OPCML: variants seen among roughly 807,000 people sequenced by gnomAD.
OPCML encodes opioid-binding protein/cell adhesion molecule.
Under a neutral mutation model 37.8 loss-of-function variants are expected in OPCML, and 13 were observed. The ratio of observed to expected loss-of-function variants is 0.34; its 90% CI spans 0.22 to 0.55. The LOEUF (loss-of-function observed/expected upper bound fraction) is 0.55, where lower values mean the gene tolerates loss of function less well. OPCML is among the 20% of genes least tolerant of loss of function. OPCML has a pLI of 0.91. For missense variants in OPCML, 341 were observed against 435.6 expected (o/e 0.78, Z 1.93); for synonymous variants, 176 against 168.8 (o/e 1.04, Z -0.33).
At chr11:132,591,190 G>A (rs1452066977) in intron 3 of OPCML, among the ~76,000 whole-genome samples, 3 of 152,162 alleles carry the variant, frequency 2.0e-5, no homozygotes, top group Non-Finnish European at 4.4e-5. Flanking sequence ...GCCCCCCTTT[G>A]GAGTTGCTGT....
Position 133,308,894 on chromosome 11 carries a change from T to C in OPCML, c.61+223370A>G, listed in dbSNP as rs1027082106. On this transcript the variant is annotated intron_variant, in intron 1 of 7. Transcript: ENST00000524381. Reference sequence around the variant, plus strand: ...TCAAAGAGTTCACAATAACTAAAATTGGAGCAACTTGAAAAGTGAAAAAAT... The same window carrying C: ...TCAAAGAGTTCACAATAACTAAAATCGGAGCAACTTGAAAAGTGAAAAAAT... 2.3e-4 allele frequency among the ~76,000 whole-genome samples: 35 copies of C among 152,234 alleles called. 1 individual carries two copies. Among genetic ancestry groups the C allele is most frequent in the Admixed American group, 1.2e-3 (18 of 15,290 alleles).
chr11:133,444,029 T>A (rs1410084317), intron 1 of OPCML, among the ~76,000 whole-genome samples: 2 of 152,094 alleles, frequency 1.3e-5, no homozygotes, highest in East Asian at 3.9e-4. Flanking sequence ...ACTCGGAAGA[T>A]CAGAAGGATT....
chr11:133,105,265 A>C (rs2137079489), intron 1 of OPCML, among the ~76,000 whole-genome samples: 1 of 152,334 alleles, frequency 6.6e-6, no homozygotes, highest in South Asian at 2.1e-4. Context: ...TAAAGCTCAA[A>C]GTTCAAGGCA....
In OPCML at chr11:133,306,641, T is replaced by C. The variant is rs567897663; in HGVS notation, c.61+225623A>G. On this transcript the variant is annotated intron_variant, in intron 1 of 7. Transcript: ENST00000524381. ...GTTATATAACTGTACCAAAATCTGA[T>C]AAAATGTGAAAACAGCTCTCAAGGG... Among the ~76,000 whole-genome samples the C allele has an allele frequency of 6.6e-5, 10 of 152,268 alleles. No individual in the cohort carries two copies. In the South Asian group the frequency reaches 1.5e-3, roughly 22 times the overall value.
intron 4 of OPCML, among the ~76,000 whole-genome samples, chr11:132,492,908 A>T (rs892708306): frequency 2.0e-5 from 3 of 152,176 alleles, no homozygotes; most frequent in Non-Finnish European, 4.4e-5. Flanking sequence ...CCTGACAGGT[A>T]CATTATAAAT....
Position 132,424,335 on chromosome 11 carries a change from G to T in OPCML, c.917-4042C>A, listed in dbSNP as rs189521580. 2.1e-3 allele frequency among the ~76,000 whole-genome samples: 326 copies of T among 152,278 alleles called. 1 individual carries two copies. Among genetic ancestry groups the T allele is most frequent in the African/African-American group, 7.7e-3 (318 of 41,556 alleles). ...GGGGTTTCACCACGTTAGCCAGGAT[G>T]TTCTCGAACTCCTGACCTCGTGATC... is the stretch of plus-strand genomic sequence containing the variant. On this transcript the variant is annotated intron_variant, in intron 7 of 7. Coordinates refer to ENST00000524381, the MANE Select transcript of OPCML (RefSeq NM_001012393.5).
At chr11:133,469,152 A>G (rs1947044405) in intron 1 of OPCML, among the ~76,000 whole-genome samples, 1 of 152,212 alleles carries the variant, frequency 6.6e-6, no homozygotes, top group Non-Finnish European at 1.5e-5. Flanking sequence ...TTGTATCTTT[A>G]TACTCCCTTT....
intron 3 of OPCML, among the ~76,000 whole-genome samples, chr11:132,541,058 G>A (rs887829558): frequency 2.6e-5 from 4 of 152,130 alleles, no homozygotes; most frequent in African/African-American, 7.2e-5. Flanking sequence ...CAAAATAGAC[G>A]TTAGGGATGC....
rs1406653568 is a variant in OPCML at position 133,141,024 on chromosome 11, C to T, written c.62-198014G>A. 2.3e-4 allele frequency among the ~76,000 whole-genome samples: 2 copies of T among 8,698 alleles called. 1 individual carries two copies. Among genetic ancestry groups the T allele is most frequent in the African/African-American group, 4.7e-4 (2 of 4,250 alleles). 5.7% of individuals were successfully genotyped at this position (8,698 alleles called of 152,430 possible). ...ACGACGACGACGACGACGACGACGA[C>T]GACGACGACGACGACGACGACGACG... On this transcript the variant is annotated intron_variant, in intron 1 of 7. Coordinates refer to ENST00000524381, the MANE Select transcript of OPCML (RefSeq NM_001012393.5).
chr11:133,195,146 C>G (rs1404836079), intron 1 of OPCML, among the ~76,000 whole-genome samples: 1 of 152,112 alleles, frequency 6.6e-6, no homozygotes, highest in Non-Finnish European at 1.5e-5. Context: ...TTATTGAATT[C>G]CATTGCTACA....
chr11:132,544,909 G>A (rs1208992906), intron 3 of OPCML, among the ~76,000 whole-genome samples: 1 of 152,150 alleles, frequency 6.6e-6, no homozygotes, highest in Non-Finnish European at 1.5e-5. Flanking sequence ...GCATGGCCTT[G>A]AGAAGGAAAG....
intron 3 of OPCML, among the ~76,000 whole-genome samples, chr11:132,653,077 T>G (rs1941512929): frequency 6.6e-6 from 1 of 152,214 alleles, no homozygotes. Flanking sequence ...TGGTGTTAGG[T>G]TACACCTGTT....
intron 1 of OPCML, among the ~76,000 whole-genome samples, chr11:133,147,560 T>C (rs1949915137): frequency 6.6e-6 from 1 of 152,112 alleles, no homozygotes; most frequent in African/African-American, 2.4e-5. Context: ...AAAATGGGGA[T>C]AAGAATGCTT....
At chr11:132,837,087 G>A (rs1037902706) in intron 2 of OPCML, among the ~76,000 whole-genome samples, 1 of 152,106 alleles carries the variant, frequency 6.6e-6, no homozygotes, top group African/African-American at 2.4e-5. Context: ...GGCCAAGTCG[G>A]GTGGATCACC....
Position 132,980,911 on chromosome 11 carries a change from A to G in OPCML, c.62-37901T>C, listed in dbSNP as rs547896421. The stretch of plus-strand genomic sequence containing the variant: ...TAATGACAGGGATTCATTCTAAGAA[A>G]TGCGCCATTAGGCAATCCTGTCATT... On this transcript the variant is annotated intron_variant, in intron 1 of 7. Transcript: ENST00000524381. Among the ~76,000 whole-genome samples the G allele has an allele frequency of 2.0e-5, 3 of 152,358 alleles. No homozygotes were observed. In the East Asian group the frequency reaches 5.8e-4, roughly 29 times the overall value.
At chr11:132,607,159 T>C (rs1251245306) in intron 3 of OPCML, among the ~76,000 whole-genome samples, 1 of 152,184 alleles carries the variant, frequency 6.6e-6, no homozygotes, top group Non-Finnish European at 1.5e-5. Flanking sequence ...CTAATTACTA[T>C]TATAATTACT....
rs952791927 is a variant in OPCML at position 133,173,154 on chromosome 11, A to G, written c.62-230144T>C. Reference sequence around the variant, plus strand: ...CAACAACCACACCCATGCTTTAAAAAAATTACATGTGAGGGAATATTTCAT... The same window carrying G: ...CAACAACCACACCCATGCTTTAAAAGAATTACATGTGAGGGAATATTTCAT... On this transcript the variant is annotated intron_variant, in intron 1 of 7. Transcript: ENST00000524381. The surrounding 1 kb of genome is among the most constrained non-coding windows in gnomAD (Gnocchi z 7.8). Among the ~76,000 whole-genome samples the G allele has an allele frequency of 1.4e-4, 22 of 152,256 alleles. No homozygotes were observed. The highest frequency in any genetic ancestry group is 4.8e-4 in the African/African-American group (20 of 41,470).
chr11:133,030,285 C>T (rs1319581289), intron 1 of OPCML, among the ~76,000 whole-genome samples: 1 of 152,190 alleles, frequency 6.6e-6, no homozygotes, highest in Non-Finnish European at 1.5e-5. Flanking sequence ...CAATTATACG[C>T]AAAGGCTTAC....
chr11:133,416,119 A>T (rs535690525), intron 1 of OPCML, among the ~76,000 whole-genome samples: 5 of 152,204 alleles, frequency 3.3e-5, no homozygotes, highest in Admixed American at 6.5e-5. Context: ...TTAAATTTGG[A>T]GTATTTTGCT....
Sources: allele counts gnomAD v4.1 joint callset (sites outside exome capture counted in the v4.1 genomes callset), GRCh38; gene constraint gnomAD v4.1.1; non-coding constraint Gnocchi (gnomAD v3.1); transcripts MANE v1.5; gene names NCBI Gene and HGNC (gene_info 2026-07-23, HGNC 2026-07-21).